Variants in ANKS3 observed in about 807,000 individuals in gnomAD.
The protein encoded by ANKS3 is ankyrin repeat and SAM domain-containing protein 3.
Under a neutral mutation model 80.7 loss-of-function variants are expected in ANKS3, and 62 were observed. The observed-to-expected ratio is 0.77, with a 90% CI of 0.63 to 0.95. The LOEUF (loss-of-function observed/expected upper bound fraction) is 0.95. ANKS3 is among the 40% of genes least tolerant of loss of function. ANKS3 has a pLI of 0.00. For missense variants in ANKS3, 1,150 were observed against 883.6 expected, an observed-to-expected ratio of 1.30 and a Z score of -3.82; for synonymous variants, 489 against 355.3, an observed-to-expected ratio of 1.38 and a Z score of -4.23.
chr16:4,730,084 G>A lies in ANKS3; in HGVS notation c.66C>T (p.His22=), dbSNP rs535690754. Residue 22 remains histidine (H), a synonymous_variant, in exon 3 of 18, where the codon CAC becomes CAT. Coordinates refer to ENST00000304283, the MANE Select transcript of ANKS3 (RefSeq NM_133450.4). ...CCCCGCTGACCTGTGTCCCGAGCCC[G>A]TGCCACATGGACAAGCTGCGGTTCA... The part of the protein sequence containing the change: ...ELLNRSLSMW[H]GLGTQVSGEE... 19 of 1,592,568 alleles carry A rather than the reference G, an allele frequency of 1.2e-5. No homozygotes were observed. The highest frequency in any genetic ancestry group is 1.7e-4 in the Middle Eastern group (1 of 5,990).
chr16:4,716,720 G>C (rs1338702712), intron 6 of ANKS3, among the ~76,000 whole-genome samples: 1 of 151,966 alleles, frequency 6.6e-6, no homozygotes, highest in East Asian at 1.9e-4. Context: ...TTCGAGACCA[G>C]CCTGGGCAAT....
intron 6 of ANKS3, among the ~76,000 whole-genome samples, chr16:4,715,894 G>C (rs113848940): frequency 1.3e-5 from 2 of 151,626 alleles, no homozygotes; most frequent in East Asian, 1.9e-4. Flanking sequence ...CTACAATTTA[G>C]AATTTTCACT....
chr16:4,709,973 C>T (rs117010991), intron 7 of ANKS3, among the ~76,000 whole-genome samples: 2,885 of 152,228 alleles, frequency 0.019, 46 homozygotes, highest in Non-Finnish European at 0.03. Context: ...ATTATGCCAC[C>T]ACACTCCAGC....
rs770035706 is a variant in ANKS3 at position 4,701,147 on chromosome 16, G to A, written c.1120-13C>T. On this transcript the variant is annotated splice_polypyrimidine_tract_variant and intron_variant, in intron 10 of 17. Coordinates refer to ENST00000304283, the MANE Select transcript of ANKS3 (RefSeq NM_133450.4). ...CATGATCCGAGTCCTGCAGTGAGAG[G>A]CGTGCATCTGAAAGAGTGCGCGGGC... The A allele has an allele frequency of 2.2e-5, 36 of 1,613,554 alleles. No individual in the cohort carries two copies. Among genetic ancestry groups the A allele is most frequent in the Middle Eastern group, 1.6e-4 (1 of 6,084 alleles).
intron 6 of ANKS3, among the ~76,000 whole-genome samples, chr16:4,723,596 C>T (rs2081211190): frequency 6.6e-6 from 1 of 152,202 alleles, no homozygotes; most frequent in East Asian, 1.9e-4. Context: ...CCCAGCCTAA[C>T]GCATCAGGGT....
intron 7 of ANKS3, among the ~76,000 whole-genome samples, chr16:4,707,484 G>A (rs1370137814): frequency 6.6e-6 from 1 of 152,006 alleles, no homozygotes; most frequent in African/African-American, 2.4e-5. Flanking sequence ...GTTTCACCAT[G>A]TAGGCTGGAC....
At chr16:4,698,743 G>A in intron 13 of ANKS3, 57 bp downstream of exon 13, 14 of 1,556,310 alleles carry the variant, frequency 9.0e-6, no homozygotes, top group Non-Finnish European at 1.2e-5. Context: ...TTCTGTCAGA[G>A]ATGGAGCCAA....
intron 9 of ANKS3, 141 bp downstream of exon 9, chr16:4,701,961 G>T: frequency 9.3e-7 from 1 of 1,078,296 alleles, no homozygotes; most frequent in Non-Finnish European, 1.3e-6. Flanking sequence ...ACAAGAACCA[G>T]GGCCGTCCAC....
chr16:4,733,623 T>C (rs1366009913), intron 1 of ANKS3, among the ~76,000 whole-genome samples: 2 of 152,124 alleles, frequency 1.3e-5, no homozygotes, highest in African/African-American at 2.4e-5. Context: ...TCAAAGAGTA[T>C]AATCATATTG....
At position 4,697,990 on chromosome 16, in the gene ANKS3, G is replaced by A. The variant is rs143167829; in HGVS notation, c.1797C>T (p.Ala599=). The A allele has an allele frequency of 1.8e-5, 29 of 1,597,484 alleles. No individual in the cohort carries two copies. Among genetic ancestry groups the A allele is most frequent in the Middle Eastern group, 1.7e-4 (1 of 5,982 alleles). ...QPPGAATLGL[A]VPPADSKGWQ... ...CACTGCTCTTACCAGCTGGGGGGAC[G>A]GCTAGGCCCAGAGTGGCTGCACCAG... Residue 599 remains alanine, a synonymous_variant, in exon 15 of 18, where the codon GCC becomes GCT. Transcript: ENST00000304283.
chr16:4,696,973 C>A, intron 17 of ANKS3, 44 bp downstream of exon 17: 1 of 1,591,236 alleles, frequency 6.3e-7, no homozygotes, highest in Non-Finnish European at 8.6e-7. Flanking sequence ...CCAGACAGGC[C>A]CTGCTGCTCC....
At chr16:4,721,779 CA>C (rs981473794) in intron 6 of ANKS3, among the ~76,000 whole-genome samples, 2 of 151,056 alleles carry the variant, frequency 1.3e-5, no homozygotes, top group African/African-American at 4.8e-5. Context: ...GCTGGGATTA[CA>C]GCGTCAGCCA....
chr16:4,702,137 C>T lies in ANKS3; in HGVS notation c.974G>A (p.Arg325Gln), dbSNP rs201312934. The change falls in exon 9 of 18, where the codon CGG becomes CAG. Residue 325 changes from arginine to glutamine, a missense_variant. Arg to Gln is a conservative substitution (Grantham distance 43). Coordinates refer to ENST00000304283, the MANE Select transcript of ANKS3 (RefSeq NM_133450.4). Reference sequence around the variant, plus strand: ...GCTGCTGCTGCTGCTCTCCACATCCCGCTCATTGATGGGGGAGGTGACATC... The same window carrying T: ...GCTGCTGCTGCTGCTCTCCACATCCTGCTCATTGATGGGGGAGGTGACATC... ...CRDVTSPINERDVESSSSSSS... is the reference protein window; with the variant it reads ...CRDVTSPINEQDVESSSSSSS... 5.6e-5 allele frequency: 89 copies of T among 1,596,870 alleles called. No homozygotes were observed. Among genetic ancestry groups the T allele is most frequent in the Non-Finnish European group, 7.1e-5 (83 of 1,172,454 alleles).
At chr16:4,709,426 A>C (rs1359267204) in intron 7 of ANKS3, among the ~76,000 whole-genome samples, 1 of 152,022 alleles carries the variant, frequency 6.6e-6, no homozygotes, top group Admixed American at 6.6e-5. Flanking sequence ...AAAAAATTAA[A>C]AAATATAAGA....
chr16:4,710,278 C>T (rs954511714), intron 7 of ANKS3, among the ~76,000 whole-genome samples: 3 of 152,056 alleles, frequency 2.0e-5, no homozygotes, highest in Admixed American at 6.6e-5. Context: ...GTTCTCACCT[C>T]GAAATGATAA....
At chr16:4,712,671 G>C (rs2080559404) in intron 7 of ANKS3, among the ~76,000 whole-genome samples, 1 of 152,150 alleles carries the variant, frequency 6.6e-6, no homozygotes. Context: ...TTGTTAATAA[G>C]CTAAAATAAC....
intron 6 of ANKS3, among the ~76,000 whole-genome samples, chr16:4,721,445 C>CA (rs550947011): frequency 2.0e-5 from 3 of 148,768 alleles, no homozygotes; most frequent in South Asian, 2.1e-4. Context: ...CCCATCTCTA[C>CA]AAAAAAAATA....
At chr16:4,733,502 G>A in intron 1 of ANKS3, among the ~76,000 whole-genome samples, 1 of 152,068 alleles carries the variant, frequency 6.6e-6, no homozygotes. Context: ...ATGTTGGCCA[G>A]GCTGGTCTCA....
rs1367696499 is a variant in ANKS3, at chr16:4,698,516, C to T, written c.1635G>A (p.Glu545=). 1 of 1,568,042 alleles carries T rather than the reference C, an allele frequency of 6.4e-7. No individual in the cohort carries two copies. Among genetic ancestry groups the T allele is most frequent in the South Asian group, 1.1e-5 (1 of 87,400 alleles). Residue 545 remains glutamate, a synonymous_variant, in exon 14 of 18, where the codon GAG becomes GAA. Transcript: ENST00000304283. The part of the protein sequence containing the change: ...LRAVVESCLL[E]QDRAREDLQA... ...GGAGGTCCTCGCGGGCGCGGTCCTG[C>T]TCCAGCAGGCAGCTCTCCACCACGG...
Sources: gnomAD v4.1 joint callset for allele counts (sites outside exome capture counted in the v4.1 genomes callset) on GRCh38, gnomAD v4.1.1 for gene constraint, MANE v1.5 for transcripts, NCBI Gene and HGNC (gene_info 2026-07-23, HGNC 2026-07-21) for gene names.